The following IRS1 variants were observed in gnomAD, a reference collection of about 807,000 sequenced individuals.
The protein encoded by IRS1 is insulin receptor substrate 1.
Under a neutral mutation model 65.6 loss-of-function variants are expected in IRS1, and 34 were observed. That is an observed-to-expected ratio of 0.52 (90% CI 0.39 to 0.69). IRS1 has a LOEUF of 0.69. Ranked by LOEUF, IRS1 falls within the 30% of genes least tolerant of loss-of-function variation. The pLI, the probability that IRS1 is intolerant of heterozygous loss-of-function variation, is 0.00. For synonymous variants in IRS1, 699 were observed against 683.5 expected, an observed-to-expected ratio of 1.02 and a Z score of -0.35; for missense variants, 1,641 against 1,720.2, an observed-to-expected ratio of 0.95 and a Z score of 0.81.
rs1049931609 is a variant in IRS1, at chr2:226,734,589, G to T, written c.*1683C>A. The T allele has an allele frequency of 2.8e-4, 42 of 152,164 alleles. No individual in the cohort carries two copies. The highest frequency in any genetic ancestry group is 7.3e-5 in the Non-Finnish European group (5 of 68,048). The allele number at this position is 152,164 out of a possible 1,614,324, so 9.4% of individuals were successfully genotyped here. The stretch of plus-strand genomic sequence containing the variant: ...TCCCCACTCCCACCCAGGGAGCTTA[G>T]GCGTTCAGAGAAATAAAATGTTGCT... On this transcript the variant is annotated 3_prime_UTR_variant, in exon 2 of 2. Coordinates refer to ENST00000305123, the MANE Select transcript of IRS1 (RefSeq NM_005544.3).
intron 1 of IRS1, among the ~76,000 whole-genome samples, chr2:226,744,243 C>T (rs950567791): frequency 5.3e-5 from 8 of 152,058 alleles, no homozygotes; most frequent in Non-Finnish European, 7.4e-5. Context: ...CTAGAGTCCC[C>T]GATAATATGG....
chr2:226,733,747 C>T lies in IRS1; in HGVS notation c.*2525G>A, dbSNP rs940755892. The T allele has an allele frequency of 4.6e-5, 7 of 152,230 alleles. No homozygotes were observed. Among genetic ancestry groups the T allele is most frequent in the African/African-American group, 1.7e-4 (7 of 41,456 alleles). The allele number at this position is 152,230 out of a possible 1,614,324, so 9.4% of individuals were successfully genotyped here. On this transcript the variant is annotated 3_prime_UTR_variant, in exon 2 of 2. Transcript: ENST00000305123. ...CAGCTGACGTTGCTCAAAGGAAACC[C>T]TTCGTGTCGCCAGAGTATGAACTTT...
At chr2:226,765,335 G>T (rs1939011384) in intron 1 of IRS1, among the ~76,000 whole-genome samples, 1 of 152,200 alleles carries the variant, frequency 6.6e-6, no homozygotes, top group Non-Finnish European at 1.5e-5. Context: ...ACAAGATAAT[G>T]CCTTTAAATT....
intron 1 of IRS1, among the ~76,000 whole-genome samples, chr2:226,761,198 T>C (rs1938908275): frequency 6.6e-6 from 1 of 152,218 alleles, no homozygotes; most frequent in Non-Finnish European, 1.5e-5. Context: ...TATGACTATA[T>C]AGACAACTCC....
chr2:226,797,263 G>A lies in IRS1; in HGVS notation c.1476C>T (p.His492=), dbSNP rs891965212. The A allele has an allele frequency of 4.3e-6, 7 of 1,613,610 alleles. No homozygotes were observed. The highest frequency in any genetic ancestry group is 5.9e-6 in the Non-Finnish European group (7 of 1,179,984). ...CCAAGCCTGTTCCTGGGGTGCAGCGGTGGCCATTGCCACCCCGAGACAAAA... is the reference window on the plus strand; with the variant it reads ...CCAAGCCTGTTCCTGGGGTGCAGCGATGGCCATTGCCACCCCGAGACAAAA... ...HYILSRGGNG[H]RCTPGTGLGT... is the part of the protein sequence containing the mutation. The change falls in exon 1 of 2, where the codon CAC becomes CAT. Residue 492 remains histidine, a synonymous_variant. Transcript: ENST00000305123. This position sits in a 1 kb window ranked among gnomAD's most constrained non-coding sequence, Gnocchi z 8.1.
At chr2:226,740,443 T>C (rs973924609) in intron 1 of IRS1, among the ~76,000 whole-genome samples, 1 of 152,216 alleles carries the variant, frequency 6.6e-6, no homozygotes, top group Non-Finnish European at 1.5e-5. Flanking sequence ...TTACATCTTC[T>C]GGGTTCTACC....
At position 226,798,771 on chromosome 2, in the gene IRS1, G is replaced by T; in HGVS notation, c.-33C>A. 6.3e-7 allele frequency: 1 copy of T among 1,595,238 alleles called. No homozygotes were observed. Among genetic ancestry groups the T allele is most frequent in the Non-Finnish European group, 8.5e-7 (1 of 1,171,626 alleles). On this transcript the variant is annotated 5_prime_UTR_variant, in exon 1 of 2. Transcript: ENST00000305123. The surrounding 1 kb of genome is among the most constrained non-coding windows in gnomAD (Gnocchi z 9.4). ...CCGCCACCACCAACGCTGAGCAGAGGGAGGCTCCGAAAAACAACCGGGTGG... is the reference window on the plus strand; with the variant it reads ...CCGCCACCACCAACGCTGAGCAGAGTGAGGCTCCGAAAAACAACCGGGTGG...
chr2:226,775,332 A>G (rs1939250517), intron 1 of IRS1, among the ~76,000 whole-genome samples: 1 of 152,188 alleles, frequency 6.6e-6, no homozygotes, highest in Non-Finnish European at 1.5e-5. Flanking sequence ...ACAATCCTGA[A>G]CTGCTATGTA....
rs561977525 is a variant in IRS1, at chr2:226,796,097, T to G, written c.2642A>C (p.Gln881Pro). 2 of 1,613,546 alleles carry G rather than the reference T, an allele frequency of 1.2e-6. No individual in the cohort carries two copies. The change falls in exon 1 of 2, where the codon CAG (glutamine) becomes CCG (proline). Residue 881 changes from glutamine (Q) to proline (P), a missense_variant. Physicochemically the swap from Gln to Pro is moderately conservative, Grantham distance 76. This residue lies in a region of IRS1 where 1,324 missense variants were observed against 1,361.0 expected (regional missense o/e 0.97). Coordinates refer to ENST00000305123, the MANE Select transcript of IRS1 (RefSeq NM_005544.3). ...LPRAREQQQQ[Q>P]QPLLHPPEPK... ...CTCTGGAGGGTGCAGCAAGGGCTGC[T>G]GCTGCTGCTGCTGCTCTCGGGCCCG...
intron 1 of IRS1, among the ~76,000 whole-genome samples, chr2:226,793,387 T>G (rs981449338): frequency 2.6e-5 from 4 of 152,222 alleles, no homozygotes; most frequent in Non-Finnish European, 5.9e-5. Flanking sequence ...AAAACATCAT[T>G]TGATATAACA....
Position 226,795,616 on chromosome 2 carries a change from A to C in IRS1, c.3123T>G (p.Ser1041=). The C allele has an allele frequency of 1.2e-6, 2 of 1,612,648 alleles. No homozygotes were observed. The highest frequency in any genetic ancestry group is 4.5e-5 in the East Asian group (2 of 44,878). The part of the protein sequence containing the change: ...MAAASSSSAA[S]ASPTGPQGAA... Reference sequence around the variant, plus strand: ...CCCCTTGAGGCCCAGTCGGGGAAGCAGAGGCTGCTGAGGATGAGGAGGCAG... The same window carrying C: ...CCCCTTGAGGCCCAGTCGGGGAAGCCGAGGCTGCTGAGGATGAGGAGGCAG... Residue 1041 remains serine, a synonymous_variant, in exon 1 of 2, where the codon TCT becomes TCG. Coordinates refer to ENST00000305123, the MANE Select transcript of IRS1 (RefSeq NM_005544.3).
rs113302205 is a variant in IRS1, at chr2:226,753,841, C to CTGAT, written c.*22-17595_*22-17592dup. Among the ~76,000 whole-genome samples the CTGAT allele has an allele frequency of 1.4e-3, 206 of 151,808 alleles. 3 individuals are homozygous for CTGAT. In the Middle Eastern group the frequency reaches 0.024, roughly 18 times the overall value. ...ATAATATATTGTTTAAAACTCAGCA[C>CTGAT]TGATTGATTGATTGATTGATTGATT... On this transcript the variant is annotated intron_variant, in intron 1 of 1. Coordinates refer to ENST00000305123, the MANE Select transcript of IRS1 (RefSeq NM_005544.3).
intron 1 of IRS1, among the ~76,000 whole-genome samples, chr2:226,740,995 C>CT (rs201729710): frequency 9.9e-5 from 15 of 151,450 alleles, no homozygotes; most frequent in South Asian, 2.1e-4. Context: ...CAGCTGTGTG[C>CT]TTTTTAAAAA....
chr2:226,796,734 C>A lies in IRS1; in HGVS notation c.2005G>T (p.Gly669Cys), dbSNP rs557319201. Residue 669 changes from glycine (G) to cysteine (C), a missense_variant, in exon 1 of 2, where the codon GGT (glycine) becomes TGT (cysteine). Transcript: ENST00000305123. ...CCTCCAATGTCAGGAGAGCAGCCACCGCTGGGGGACATCATCATGTAGCCA... is the reference window on the plus strand; with the variant it reads ...CCTCCAATGTCAGGAGAGCAGCCACAGCTGGGGGACATCATCATGTAGCCA... Reference protein sequence around the residue: ...PNGYMMMSPSGGCSPDIGGGP... With the variant: ...PNGYMMMSPSCGCSPDIGGGP... The A allele has an allele frequency of 1.2e-6, 2 of 1,610,776 alleles. No homozygotes were observed. Among genetic ancestry groups the A allele is most frequent in the Middle Eastern group, 1.7e-4 (1 of 6,060 alleles).
chr2:226,741,606 A>G (rs1938437684), intron 1 of IRS1, among the ~76,000 whole-genome samples: 1 of 152,014 alleles, frequency 6.6e-6, no homozygotes, highest in African/African-American at 2.4e-5. Context: ...TATTTCACAC[A>G]ATTACATTAA....
chr2:226,785,554 G>T (rs1001355865), intron 1 of IRS1, among the ~76,000 whole-genome samples: 1 of 152,238 alleles, frequency 6.6e-6, no homozygotes, highest in African/African-American at 2.4e-5. Flanking sequence ...AGTGAGCCAA[G>T]ATTGTGTCAC....
intron 1 of IRS1, among the ~76,000 whole-genome samples, chr2:226,773,049 C>G (rs1233336280): frequency 6.6e-6 from 1 of 152,092 alleles, no homozygotes; most frequent in Non-Finnish European, 1.5e-5. Context: ...ATGAAACAAG[C>G]AAAATCAAAC....
chr2:226,743,522 G>T (rs1162265947), intron 1 of IRS1, among the ~76,000 whole-genome samples: 2 of 152,116 alleles, frequency 1.3e-5, no homozygotes, highest in Admixed American at 1.3e-4. Context: ...GGGCCATCGT[G>T]CTCAGCCAGG....
rs1162822035 is a variant in IRS1, at chr2:226,796,578, T to C, written c.2161A>G (p.Ser721Gly). ...GTGCAAGGTAAGAGCTTACCACCGC[T>C]GCTCTCCACTGGGGGTTTGGGGTGA... ...LPHPKPPVES[S>G]GGKLLPCTGD... is the part of the protein sequence containing the mutation. The change falls in exon 1 of 2, where the codon AGC becomes GGC. Residue 721 changes from serine to glycine, a missense_variant. By Grantham distance (56) the Ser-to-Gly change is moderately conservative (BLOSUM62 0). Coordinates refer to ENST00000305123, the MANE Select transcript of IRS1 (RefSeq NM_005544.3). The C allele has an allele frequency of 1.9e-6, 3 of 1,613,934 alleles. No individual in the cohort carries two copies. Among genetic ancestry groups the C allele is most frequent in the Non-Finnish European group, 2.5e-6 (3 of 1,179,932 alleles).
Sources: allele counts gnomAD v4.1 joint callset (sites outside exome capture counted in the v4.1 genomes callset), GRCh38; gene constraint gnomAD v4.1.1; regional missense constraint gnomAD v4.1.1; non-coding constraint Gnocchi (gnomAD v3.1); transcripts MANE v1.5; gene names NCBI Gene and HGNC (gene_info 2026-07-23, HGNC 2026-07-21).